The following BMS1 variants were observed in gnomAD, a reference collection of about 807,000 sequenced individuals.
The protein encoded by BMS1 is ribosome biogenesis protein BMS1 homolog.
In BMS1, 53 loss-of-function variants were observed where a neutral mutation model predicts 138.7. That is an observed-to-expected ratio of 0.38 (90% CI 0.31 to 0.48). The LOEUF (loss-of-function observed/expected upper bound fraction) is 0.48. Ranked by LOEUF, BMS1 falls within the 20% of genes least tolerant of loss-of-function variation. The probability of loss-of-function intolerance (pLI) is 0.97; values close to 1 mark genes in which losing one functional copy is unlikely to be tolerated. For synonymous variants in BMS1, 504 were observed against 539.9 expected, an observed-to-expected ratio of 0.93 and a Z score of 0.92; for missense variants, 1,360 against 1,565.5, an observed-to-expected ratio of 0.87 and a Z score of 2.22.
chr10:42,784,169 G>A (rs1841248529), intron 1 of BMS1, among the ~76,000 whole-genome samples, 193 bp from the exon 2 acceptor site: 1 of 152,220 alleles, frequency 6.6e-6, no homozygotes, highest in Non-Finnish European at 1.5e-5. Context: ...CTTAAGAGAG[G>A]TAACTCATCT....
rs1160496275 is a variant in BMS1 at position 42,782,800 on chromosome 10, T to C, written c.-64T>C. The C allele has an allele frequency of 6.5e-6, 1 of 154,610 alleles. No individual in the cohort carries two copies. The highest frequency in any genetic ancestry group is 1.5e-5 in the Non-Finnish European group (1 of 68,236). The allele number at this position is 154,610 out of a possible 1,614,324, so 9.6% of individuals were successfully genotyped here. On this transcript the variant is annotated 5_prime_UTR_variant, in exon 1 of 23. An upstream start codon of the reference 5' UTR is lost. Transcript: ENST00000374518. ...GAATTTCCGTTTCCGGCGGTGTCCA[T>C]GCTGACCTGAGGAGTCGCGGCTGCG... is the stretch of plus-strand genomic sequence containing the variant.
chr10:42,832,003 C>G lies in BMS1; in HGVS notation c.*907C>G, dbSNP rs1245357086. On this transcript the variant is annotated 3_prime_UTR_variant, in exon 23 of 23. Coordinates refer to ENST00000374518, the MANE Select transcript of BMS1 (RefSeq NM_014753.4). Reference sequence around the variant, plus strand: ...GTTGTATATTTTGCCCAATTTCTCTCAGTGGTAATGTTTCACACATATAAC... The same window carrying G: ...GTTGTATATTTTGCCCAATTTCTCTGAGTGGTAATGTTTCACACATATAAC... The G allele has an allele frequency of 6.6e-6, 1 of 152,164 alleles. No individual in the cohort carries two copies. The highest frequency in any genetic ancestry group is 1.5e-5 in the Non-Finnish European group (1 of 68,032). 9.4% of individuals were successfully genotyped at this position (152,164 alleles called of 1,614,324 possible).
chr10:42,829,599 A>G (rs1168937457), intron 21 of BMS1, among the ~76,000 whole-genome samples: 3 of 152,080 alleles, frequency 2.0e-5, no homozygotes, highest in African/African-American at 7.2e-5. Flanking sequence ...GGATCACCTG[A>G]GGTCAGGAGT....
chr10:42,816,745 C>G (rs1842361367), intron 14 of BMS1, 73 bp downstream of exon 14: 6 of 1,276,496 alleles, frequency 4.7e-6, no homozygotes, highest in Middle Eastern at 2.7e-4. Flanking sequence ...AAATGCAAAT[C>G]TTACTTGTGA....
chr10:42,801,742 G>C (rs1539293), intron 12 of BMS1, among the ~76,000 whole-genome samples: 2 of 151,996 alleles, frequency 1.3e-5, no homozygotes, highest in Non-Finnish European at 2.9e-5. Context: ...ATAATTTGCA[G>C]ATATCTTCTC....
At chr10:42,813,910 T>C (rs1477087274) in intron 13 of BMS1, among the ~76,000 whole-genome samples, 9 of 152,340 alleles carry the variant, frequency 5.9e-5, no homozygotes, top group Middle Eastern at 6.8e-3. Flanking sequence ...CCAACAGTTT[T>C]TTTGTTTGTT....
intron 13 of BMS1, among the ~76,000 whole-genome samples, chr10:42,805,211 A>G (rs1841979149): frequency 6.6e-6 from 1 of 152,106 alleles, no homozygotes; most frequent in Non-Finnish European, 1.5e-5. Context: ...ACATATTGAT[A>G]TCTACTTTTC....
intron 5 of BMS1, 149 bp downstream of exon 5, chr10:42,790,660 G>A: frequency 1.1e-6 from 1 of 907,324 alleles, no homozygotes; most frequent in Non-Finnish European, 1.6e-6. Flanking sequence ...TTGAGCTCAG[G>A]GCAACATGAC....
rs554296011 is a variant in BMS1, at chr10:42,810,622, G to A, written c.2330-5977G>A. 3.3e-5 allele frequency among the ~76,000 whole-genome samples: 5 copies of A among 152,208 alleles called. No individual in the cohort carries two copies. The South Asian group carries it at 1.0e-3, about 32-fold the overall frequency. On this transcript the variant is annotated intron_variant, in intron 13 of 22. Coordinates refer to ENST00000374518, the MANE Select transcript of BMS1 (RefSeq NM_014753.4). ...GTGTAATTCTCCAGTGAAATCATCTGGGCCTGGAGATTTCTTATTCCAGAA... is the reference window on the plus strand; with the variant it reads ...GTGTAATTCTCCAGTGAAATCATCTAGGCCTGGAGATTTCTTATTCCAGAA...
At chr10:42,823,007 C>G (rs918862753) in intron 19 of BMS1, 111 bp from the exon 20 acceptor site, 2 of 1,134,750 alleles carry the variant, frequency 1.8e-6, no homozygotes, top group Non-Finnish European at 1.2e-6. Flanking sequence ...TTTTATCACC[C>G]TTCAGTGAGT....
intron 9 of BMS1, 30 bp from the exon 10 acceptor site, chr10:42,796,444 G>T: frequency 1.9e-6 from 3 of 1,577,544 alleles, no homozygotes; most frequent in Admixed American, 3.6e-5. Flanking sequence ...TGTACAAATT[G>T]AATTATTTTG....
intron 21 of BMS1, among the ~76,000 whole-genome samples, 178 bp from the exon 22 acceptor site, chr10:42,830,083 T>C (rs1338283254): frequency 1.3e-5 from 2 of 152,134 alleles, no homozygotes; most frequent in African/African-American, 4.8e-5. Context: ...GAATTGTGGG[T>C]GTCCACTGAG....
At chr10:42,790,542 C>T (rs767321134) in intron 5 of BMS1, 31 bp downstream of exon 5, 1 of 1,604,954 alleles carries the variant, frequency 6.2e-7, no homozygotes, top group East Asian at 2.2e-5. Context: ...TGGATACTAA[C>T]AGTATAATCC....
intron 7 of BMS1, 149 bp from the exon 8 acceptor site, chr10:42,792,808 G>T: frequency 7.9e-7 from 1 of 1,258,806 alleles, no homozygotes. Flanking sequence ...CTTGTAGCTA[G>T]GGGGCCACTG....
intron 13 of BMS1, among the ~76,000 whole-genome samples, chr10:42,813,747 TG>T (rs1337563497): frequency 1.3e-5 from 2 of 152,204 alleles, no homozygotes; most frequent in Non-Finnish European, 2.9e-5. Flanking sequence ...TTTAATTTTT[TG>T]TATTGTGGAA....
chr10:42,793,582 G>A (rs1337804473), intron 8 of BMS1, among the ~76,000 whole-genome samples: 1 of 152,160 alleles, frequency 6.6e-6, no homozygotes, highest in Non-Finnish European at 1.5e-5. Context: ...TATTAGAAAA[G>A]CTAGCATTGT....
At position 42,796,848 on chromosome 10, in the gene BMS1, A is replaced by C; in HGVS notation, c.1604A>C (p.Lys535Thr). The C allele has an allele frequency of 1.9e-6, 3 of 1,614,222 alleles. No homozygotes were observed. Among genetic ancestry groups the C allele is most frequent in the Non-Finnish European group, 2.5e-6 (3 of 1,180,034 alleles). Residue 535 changes from lysine to threonine, a missense_variant, in exon 10 of 23, where the codon AAG becomes ACG. This residue lies in a region of BMS1 where 697 missense variants were observed against 686.2 expected (regional missense o/e 1.02). Transcript: ENST00000374518. The part of the protein sequence containing the change: ...SEEEDCTAGE[K>T]GISGSKAAGE... ...GAAGAGGACTGCACTGCAGGAGAGA[A>C]GGGCATTTCAGGATCAAAGGCTGCT...
intron 13 of BMS1, among the ~76,000 whole-genome samples, chr10:42,809,368 A>G (rs893719848): frequency 6.6e-6 from 1 of 151,974 alleles, no homozygotes; most frequent in African/African-American, 2.4e-5. Flanking sequence ...TAGAAAACAT[A>G]GAGACAGTGT....
intron 21 of BMS1, among the ~76,000 whole-genome samples, chr10:42,829,603 C>G (rs2132398238): frequency 6.6e-6 from 1 of 152,152 alleles, no homozygotes; most frequent in East Asian, 1.9e-4. Context: ...CACCTGAGGT[C>G]AGGAGTTCAA....
Sources: gnomAD v4.1 joint callset for allele counts (sites outside exome capture counted in the v4.1 genomes callset) on GRCh38, gnomAD v4.1.1 for gene constraint, gnomAD v4.1.1 regional missense constraint, MANE v1.5 for transcripts, NCBI Gene and HGNC (gene_info 2026-07-23, HGNC 2026-07-21) for gene names.